Variants in ENSA observed in about 807,000 individuals in gnomAD.
ENSA encodes the protein alpha-endosulfine.
In ENSA, 7 loss-of-function variants were observed where a neutral mutation model predicts 16.8. That is an observed-to-expected ratio of 0.42 (90% confidence interval 0.24 to 0.78). The LOEUF is 0.78. Ranked by LOEUF, ENSA falls within the 30% of genes least tolerant of loss-of-function variation. The probability of loss-of-function intolerance (pLI) is 0.29; values close to 1 mark genes in which losing one functional copy is unlikely to be tolerated. For synonymous variants in ENSA, 58 were observed against 53.4 expected, an observed-to-expected ratio of 1.09 and a Z score of -0.37; for missense variants, 87 against 142.3, an observed-to-expected ratio of 0.61 and a Z score of 1.98.
Position 150,629,575 on chromosome 1 carries a change from A to T in ENSA, c.-105T>A. 7.0e-7 allele frequency: 1 copy of T among 1,433,862 alleles called. No homozygotes were observed. Among genetic ancestry groups the T allele is most frequent in the South Asian group, 1.3e-5 (1 of 77,142 alleles). 88.8% of individuals were successfully genotyped at this position (1,433,862 alleles called of 1,614,324 possible). A position where few individuals can be genotyped will look rare whatever the true frequency, so the allele number is the denominator to read the frequency against. On this transcript the variant is annotated 5_prime_UTR_variant, in exon 1 of 4. Transcript: ENST00000369014. Reference sequence around the variant, plus strand: ...CTGCGCTGCTGCTTCGGCTCCTGTCACTAGGGTTGCTCAGTCAAAATGGCG... The same window carrying T: ...CTGCGCTGCTGCTTCGGCTCCTGTCTCTAGGGTTGCTCAGTCAAAATGGCG...
intron 1 of ENSA, 138 bp downstream of exon 1, chr1:150,629,276 G>T: frequency 6.6e-7 from 1 of 1,507,738 alleles, no homozygotes; most frequent in Non-Finnish European, 9.0e-7. Context: ...TCGTGTTGAA[G>T]CTCACCCAGC....
At chr1:150,623,201 C>A in intron 3 of ENSA, 1 of 1,103,382 alleles carries the variant, frequency 9.1e-7, no homozygotes, top group Non-Finnish European at 1.1e-6. Flanking sequence ...GAGGCATGGC[C>A]ACAGCTACTT....
chr1:150,625,109 T>C (rs910650082), intron 3 of ENSA: 1 of 985,486 alleles, frequency 1.0e-6, no homozygotes, highest in Non-Finnish European at 1.2e-6. Flanking sequence ...GGGGGCACTG[T>C]AGTTTTAGGC....
chr1:150,629,347 G>C, intron 1 of ENSA, 67 bp downstream of exon 1: 2 of 1,584,658 alleles, frequency 1.3e-6, no homozygotes, highest in East Asian at 2.2e-5. Flanking sequence ...ATCCGCACTG[G>C]TGGGAGACCG....
chr1:150,628,559 A>C (rs587690748), intron 1 of ENSA, among the ~76,000 whole-genome samples: 2 of 151,966 alleles, frequency 1.3e-5, no homozygotes, highest in African/African-American at 4.8e-5. Context: ...ATATGAAGTC[A>C]ACGTATGACT....
At chr1:150,623,434 G>C in intron 3 of ENSA, 1 of 985,838 alleles carries the variant, frequency 1.0e-6, no homozygotes, top group Non-Finnish European at 1.2e-6. Flanking sequence ...CCTTGAAGAT[G>C]ACCAGGTAGA....
chr1:150,628,611 A>G (rs1043923808), intron 1 of ENSA, among the ~76,000 whole-genome samples: 2 of 151,992 alleles, frequency 1.3e-5, no homozygotes, highest in African/African-American at 2.4e-5. Flanking sequence ...GAAATTACGC[A>G]TAGATATAAC....
chr1:150,621,550 A>C (rs749912434), downstream of ENSA: 1 of 152,256 alleles, frequency 6.6e-6, no homozygotes, highest in Non-Finnish European at 1.5e-5. Context: ...CTGGAATTAT[A>C]GGCGTGAGCC....
chr1:150,625,570 C>T, intron 3 of ENSA, 72 bp downstream of exon 3: 1 of 1,478,806 alleles, frequency 6.8e-7, no homozygotes, highest in Admixed American at 2.4e-5. Context: ...ACTAGGTGCC[C>T]ATTTCATCCC....
chr1:150,626,530 C>G, intron 2 of ENSA: 1 of 1,612,926 alleles, frequency 6.2e-7, no homozygotes, highest in African/African-American at 1.3e-5. Context: ...TATAATCCTA[C>G]AGTCATTGCA....
chr1:150,629,336 A>G, intron 1 of ENSA, 78 bp downstream of exon 1: 1 of 1,566,444 alleles, frequency 6.4e-7, no homozygotes, highest in South Asian at 1.2e-5. Context: ...CATGGCGACC[A>G]ATCCGCACTG....
At chr1:150,625,038 A>C in intron 3 of ENSA, 1 of 985,386 alleles carries the variant, frequency 1.0e-6, no homozygotes. Context: ...AATGTTCATC[A>C]ATCTTTATAT....
At position 150,629,431 on chromosome 1, in the gene ENSA, T is replaced by C; in HGVS notation, c.40A>G (p.Thr14Ala). 6.2e-7 allele frequency: 1 copy of C among 1,613,746 alleles called. No individual in the cohort carries two copies. The highest frequency in any genetic ancestry group is 1.7e-4 in the Middle Eastern group (1 of 6,058). The change falls in exon 1 of 4, where the codon ACC becomes GCC. Residue 14 changes from threonine to alanine, a missense_variant. Transcript: ENST00000369014. ...CACTTCACCTGCTTCTCCTCGCCGG[T>C]CTCCTCCGCAGGGTTCTCTTCTTCT... The part of the protein sequence containing the change: ...KQEEENPAEE[T>A]GEEKQDTQEK...
At chr1:150,629,229 G>C in intron 1 of ENSA, 185 bp downstream of exon 1, 3 of 1,548,434 alleles carry the variant, frequency 1.9e-6, no homozygotes, top group Non-Finnish European at 2.7e-6. Context: ...AGTACTGAGT[G>C]ACAAACGACC....
At chr1:150,621,949 C>T (rs748772520), downstream of ENSA, 1 of 152,114 alleles carries the variant, frequency 6.6e-6, no homozygotes, top group Non-Finnish European at 1.5e-5. Context: ...GGTTGATGCA[C>T]CTTCTACATT....
Position 150,625,823 on chromosome 1 carries a change from G to A in ENSA, c.184-15C>T. On this transcript the variant is annotated splice_polypyrimidine_tract_variant and intron_variant, in intron 2 of 3. Coordinates refer to ENST00000369014, the MANE Select transcript of ENSA (RefSeq NM_004436.4). ...AAGTACTTTTGCTAAGAGATAAGAG[G>A]GAGGTTTAGGTGAGTGAGGACTCTG... 1 of 1,583,998 alleles carries A rather than the reference G, an allele frequency of 6.3e-7. No homozygotes were observed. Among genetic ancestry groups the A allele is most frequent in the Non-Finnish European group, 8.6e-7 (1 of 1,162,760 alleles).
chr1:150,622,536 T>G lies in ENSA; in HGVS notation c.*308A>C. On this transcript the variant is annotated 3_prime_UTR_variant, in exon 4 of 4. Coordinates refer to ENST00000369014, the MANE Select transcript of ENSA (RefSeq NM_004436.4). The stretch of plus-strand genomic sequence containing the variant: ...TGTTTTTACCAACTCCAAGCCCTAA[T>G]TCATACTCCTCCATATCTCCCACCC... 1.2e-5 allele frequency: 4 copies of G among 339,946 alleles called. No individual in the cohort carries two copies. The highest frequency in any genetic ancestry group is 4.6e-5 in the East Asian group (1 of 21,582). The allele number at this position is 339,946 out of a possible 1,614,324, so 21.1% of individuals were successfully genotyped here. A position where few individuals can be genotyped will look rare whatever the true frequency, so the allele number is the denominator to read the frequency against.
intron 1 of ENSA, chr1:150,629,030 C>T: frequency 6.2e-7 from 1 of 1,611,216 alleles, no homozygotes; most frequent in Admixed American, 1.7e-5. Flanking sequence ...ATTGAGGCTG[C>T]GGGCCCCAGC....
intron 2 of ENSA, chr1:150,626,638 G>C: frequency 1.4e-6 from 1 of 731,022 alleles, no homozygotes; most frequent in Non-Finnish European, 2.3e-6. Flanking sequence ...CTCACTGCAA[G>C]CTCCGCCTCC....
Sources: allele counts gnomAD v4.1 joint callset (sites outside exome capture counted in the v4.1 genomes callset), GRCh38; gene constraint gnomAD v4.1.1; transcripts MANE v1.5; gene names NCBI Gene and HGNC (gene_info 2026-07-23, HGNC 2026-07-21).